The following ZBTB40 variants were observed in gnomAD, a reference collection of about 807,000 sequenced individuals.
The protein encoded by ZBTB40 is zinc finger and BTB domain containing 40, also known as zinc finger and BTB domain-containing protein 40.
A neutral mutation model predicts 117.5 loss-of-function variants in ZBTB40; 60 were observed. The observed-to-expected ratio is 0.51, with a 90% CI of 0.41 to 0.63. The LOEUF (loss-of-function observed/expected upper bound fraction) is 0.63. Ranked by LOEUF, ZBTB40 falls within the 30% of genes least tolerant of loss-of-function variation. The pLI, the probability that ZBTB40 is intolerant of heterozygous loss-of-function variation, is 0.00. For missense variants in ZBTB40, 1,287 were observed against 1,498.5 expected, an observed-to-expected ratio of 0.86 and a Z score of 2.33; for synonymous variants, 525 against 577.1, an observed-to-expected ratio of 0.91 and a Z score of 1.29.
rs1639155281 is a variant in ZBTB40 at position 22,509,012 on chromosome 1, C to T, written c.1700-88C>T. The T allele has an allele frequency of 5.6e-6, 9 of 1,605,278 alleles. No homozygotes were observed. The East Asian group carries it at 2.0e-4, about 36-fold the overall frequency. On this transcript the variant is annotated intron_variant, in intron 8 of 17. Coordinates refer to ENST00000375647, the MANE Select transcript of ZBTB40 (RefSeq NM_014870.4). ...ATAGGAGATAGGGGAAATGCATTTT[C>T]ATTATGAAGAGTTGAGTGGAGGAAG...
intron 3 of ZBTB40, among the ~76,000 whole-genome samples, chr1:22,493,794 GTT>G (rs377507956): frequency 1.5e-5 from 2 of 133,822 alleles, no homozygotes; most frequent in Non-Finnish European, 3.2e-5. Flanking sequence ...ATTCACCCAT[GTT>G]TTTTTTTTTT....
upstream of ZBTB40, among the ~76,000 whole-genome samples, chr1:22,448,720 A>C (rs72649498): frequency 0.016 from 2,380 of 152,328 alleles, 29 homozygotes; most frequent in Non-Finnish European, 0.023. Context: ...ATTTAATTAA[A>C]GGGCTTGGCA....
intron 16 of ZBTB40, among the ~76,000 whole-genome samples, chr1:22,523,276 T>C (rs1639590267): frequency 6.6e-6 from 1 of 152,146 alleles, no homozygotes; most frequent in African/African-American, 2.4e-5. Flanking sequence ...TAAGGAACTA[T>C]TAAAAAAGAA....
At chr1:22,491,587 C>T (rs1367597131) in intron 3 of ZBTB40, 54 bp downstream of exon 3, 7 of 1,593,638 alleles carry the variant, frequency 4.4e-6, no homozygotes, top group Admixed American at 1.7e-5. Flanking sequence ...CTCAGGATAC[C>T]TTACTAACTT....
At chr1:22,497,518 T>C (rs1221491839) in intron 3 of ZBTB40, among the ~76,000 whole-genome samples, 2 of 152,208 alleles carry the variant, frequency 1.3e-5, no homozygotes, top group East Asian at 3.8e-4. Flanking sequence ...AAGCCTAAGA[T>C]ATGCAGCCAT....
Position 22,527,144 on chromosome 1 carries a change from G to A in ZBTB40, c.*748G>A, listed in dbSNP as rs561430859. ...CTGCCTTTCCAGGACATTCTTCTTGGTATTCCTTACCTGAAGCCTGGTTCC... is the reference window on the plus strand; with the variant it reads ...CTGCCTTTCCAGGACATTCTTCTTGATATTCCTTACCTGAAGCCTGGTTCC... On this transcript the variant is annotated 3_prime_UTR_variant, in exon 18 of 18. Transcript: ENST00000375647. 6.5e-6 allele frequency: 1 copy of A among 153,078 alleles called. No homozygotes were observed. Among genetic ancestry groups the A allele is most frequent in the Admixed American group, 6.5e-5 (1 of 15,350 alleles). The allele number at this position is 153,078 out of a possible 1,614,324, so 9.5% of individuals were successfully genotyped here. A position where few individuals can be genotyped will look rare whatever the true frequency, so the allele number is the denominator to read the frequency against.
intron 1 of ZBTB40, among the ~76,000 whole-genome samples, chr1:22,454,907 A>G (rs1396794922): frequency 1.3e-5 from 2 of 152,266 alleles, no homozygotes; most frequent in African/African-American, 4.8e-5. Flanking sequence ...ATAAAGTGCT[A>G]ACTAATAACA....
At chr1:22,450,100 T>A (rs1335097918), upstream of ZBTB40, among the ~76,000 whole-genome samples, 1 of 152,106 alleles carries the variant, frequency 6.6e-6, no homozygotes, top group Admixed American at 6.5e-5. Flanking sequence ...CCTGCCACCA[T>A]GCCCAGGTAA....
intron 3 of ZBTB40, among the ~76,000 whole-genome samples, chr1:22,498,477 G>A (rs1638841371): frequency 6.6e-6 from 1 of 152,148 alleles, no homozygotes; most frequent in Non-Finnish European, 1.5e-5. Flanking sequence ...AGTAGGTTCT[G>A]AAAGAAAGAG....
At chr1:22,509,372 A>G in intron 9 of ZBTB40, 139 bp downstream of exon 9, 1 of 1,294,062 alleles carries the variant, frequency 7.7e-7, no homozygotes, top group Non-Finnish European at 1.1e-6. Flanking sequence ...TTTGAGACAG[A>G]GTCTTGCTCT....
chr1:22,492,795 A>G (rs1452154962), intron 3 of ZBTB40, among the ~76,000 whole-genome samples: 1 of 152,254 alleles, frequency 6.6e-6, no homozygotes, highest in Non-Finnish European at 1.5e-5. Context: ...GTTTCAAGTC[A>G]TAAATCCTTG....
chr1:22,432,734 A>G (rs1294854295), intron 1 of ZBTB40, among the ~76,000 whole-genome samples: 1 of 152,198 alleles, frequency 6.6e-6, no homozygotes, highest in Non-Finnish European at 1.5e-5. Flanking sequence ...ATGTTTTTAA[A>G]CAAATACAAA....
At chr1:22,431,671 G>C (rs549542933) in intron 1 of ZBTB40, among the ~76,000 whole-genome samples, 78 of 152,036 alleles carry the variant, frequency 5.1e-4, no homozygotes, top group Non-Finnish European at 7.2e-4. Context: ...TGGAGACAGA[G>C]GTTGCAGTGA....
intron 3 of ZBTB40, among the ~76,000 whole-genome samples, chr1:22,497,732 C>G (rs1638817127): frequency 6.6e-6 from 1 of 152,150 alleles, no homozygotes; most frequent in African/African-American, 2.4e-5. Flanking sequence ...ATGCTTAAAT[C>G]TGGGAGGTAG....
chr1:22,490,637 C>T lies in ZBTB40; in HGVS notation c.689C>T (p.Thr230Ile), dbSNP rs747441363. Residue 230 changes from threonine (T) to isoleucine (I), a missense_variant, in exon 2 of 18, where the codon ACA becomes ATA. Thr to Ile is a moderately conservative substitution (Grantham distance 89). Around this residue, in one of 2 missense-constraint regions of ZBTB40, gnomAD observed 870 missense variants for 934.4 expected, o/e 0.93. Coordinates refer to ENST00000375647, the MANE Select transcript of ZBTB40 (RefSeq NM_014870.4). Reference sequence around the variant, plus strand: ...TTTAGTGAGGCAAAGAAGACAAGCACAGAACCAGGTAACAGTCATTGTTTT... The same window carrying T: ...TTTAGTGAGGCAAAGAAGACAAGCATAGAACCAGGTAACAGTCATTGTTTT... Reference protein sequence around the residue: ...QTFSEAKKTSTEPGCERKHYQ... With the variant: ...QTFSEAKKTSIEPGCERKHYQ... The T allele has an allele frequency of 1.6e-5, 26 of 1,613,248 alleles. No homozygotes were observed. The highest frequency in any genetic ancestry group is 2.7e-5 in the African/African-American group (2 of 74,928).
chr1:22,511,742 CCAA>C lies in ZBTB40; in HGVS notation c.2076_2078del (p.Asn692del). The C allele has an allele frequency of 6.2e-7, 1 of 1,608,046 alleles. No homozygotes were observed. Among genetic ancestry groups the C allele is most frequent in the Non-Finnish European group, 8.5e-7 (1 of 1,178,440 alleles). On this transcript the variant is annotated inframe_deletion, in exon 11 of 18. Coordinates refer to ENST00000375647, the MANE Select transcript of ZBTB40 (RefSeq NM_014870.4). Reference sequence around the variant, plus strand: ...GTGAGTAATAAATTTCACCTTGAAGCCAACAACAAAGAAGATGAAAAGGCAGCC... The same window carrying C: ...GTGAGTAATAAATTTCACCTTGAAGCCAACAAAGAAGATGAAAAGGCAGCC...
chr1:22,526,528 A>C lies in ZBTB40; in HGVS notation c.*132A>C. 18 of 1,166,008 alleles carry C rather than the reference A, an allele frequency of 1.5e-5. No homozygotes were observed. Among genetic ancestry groups the C allele is most frequent in the Non-Finnish European group, 2.1e-5 (17 of 802,868 alleles). The allele number at this position is 1,166,008 out of a possible 1,614,324, so 72.2% of individuals were successfully genotyped here. ...GCTTAGCACCAACCAACACAGTCTC[A>C]CCTAGAAAACAGATGGAAGCTTCGT... On this transcript the variant is annotated 3_prime_UTR_variant, in exon 18 of 18. Transcript: ENST00000375647.
intron 16 of ZBTB40, among the ~76,000 whole-genome samples, chr1:22,523,737 C>T (rs1390187661): frequency 1.3e-5 from 2 of 152,088 alleles, no homozygotes; most frequent in African/African-American, 4.8e-5. Flanking sequence ...TCTTCCAAGC[C>T]GTGGATGCCC....
intron 1 of ZBTB40, among the ~76,000 whole-genome samples, chr1:22,441,866 A>G (rs1271535329): frequency 1.3e-5 from 2 of 152,006 alleles, no homozygotes; most frequent in African/African-American, 4.8e-5. Flanking sequence ...TAAGTTGTTG[A>G]TTTTAGATCT....
Sources: allele counts gnomAD v4.1 joint callset (sites outside exome capture counted in the v4.1 genomes callset), GRCh38; gene constraint gnomAD v4.1.1; regional missense constraint gnomAD v4.1.1; transcripts MANE v1.5; gene names NCBI Gene and HGNC (gene_info 2026-07-23, HGNC 2026-07-21).